PPP5C: variants seen among roughly 807,000 people sequenced by gnomAD.
PPP5C encodes serine/threonine-protein phosphatase 5.
In PPP5C, 21 loss-of-function variants were observed where a neutral mutation model predicts 66.7. That is an observed-to-expected ratio of 0.31 (90% CI 0.22 to 0.45). The LOEUF is 0.45. Ranked by LOEUF, PPP5C falls within the 20% of genes least tolerant of loss-of-function variation. The probability of loss-of-function intolerance (pLI) is 1.00; values close to 1 mark genes in which losing one functional copy is unlikely to be tolerated. For missense variants in PPP5C, 464 were observed against 675.9 expected (o/e 0.69, Z 3.48); for synonymous variants, 246 against 257.4 (o/e 0.96, Z 0.43).
chr19:46,387,621 A>C (rs1442159379), intron 9 of PPP5C, 168 bp downstream of exon 9: 1 of 1,530,384 alleles, frequency 6.5e-7, no homozygotes, highest in Non-Finnish European at 8.8e-7. Flanking sequence ...CACCTCCTTC[A>C]TGGGGCTGTG....
At chr19:46,363,165 G>A (rs1972422850) in intron 2 of PPP5C, among the ~76,000 whole-genome samples, 1 of 143,818 alleles carries the variant, frequency 7.0e-6, no homozygotes. Context: ...ACAATTAGCT[G>A]GGCATGGTGG....
rs1338223483 is a variant in PPP5C at position 46,376,670 on chromosome 19, C to T, written c.633+96C>T. The T allele has an allele frequency of 1.3e-5, 19 of 1,513,252 alleles. No individual in the cohort carries two copies. In the East Asian group the frequency reaches 1.4e-4, roughly 11 times the overall value. The allele number at this position is 1,513,252 out of a possible 1,614,324, so 93.7% of individuals were successfully genotyped here. ...ACTGAGCAAAACGACAGGAGAAGGGCGGCCATGACAGCCAACACCAAACAG... is the reference window on the plus strand; with the variant it reads ...ACTGAGCAAAACGACAGGAGAAGGGTGGCCATGACAGCCAACACCAAACAG... On this transcript the variant is annotated intron_variant, in intron 4 of 12. Coordinates refer to ENST00000012443, the MANE Select transcript of PPP5C (RefSeq NM_006247.4). The surrounding 1 kb of genome is among the most constrained non-coding windows in gnomAD (Gnocchi z 5.1).
At chr19:46,350,765 C>G (rs1449998868) in intron 1 of PPP5C, among the ~76,000 whole-genome samples, 1 of 152,112 alleles carries the variant, frequency 6.6e-6, no homozygotes, top group Non-Finnish European at 1.5e-5. Context: ...AAAAACCACT[C>G]GCCCAAGGTC....
At chr19:46,361,719 C>T (rs1310324034) in intron 2 of PPP5C, among the ~76,000 whole-genome samples, 5 of 149,440 alleles carry the variant, frequency 3.3e-5, no homozygotes, top group African/African-American at 7.4e-5. Context: ...GAGGCAAGAT[C>T]GTGCCATTGC....
In PPP5C at chr19:46,383,729, C is replaced by T. The variant is rs1338620512; in HGVS notation, c.700-51C>T. 2 of 1,456,188 alleles carry T rather than the reference C, an allele frequency of 1.4e-6. No individual in the cohort carries two copies. The highest frequency in any genetic ancestry group is 1.9e-6 in the Non-Finnish European group (2 of 1,037,478). The allele number at this position is 1,456,188 out of a possible 1,614,324, so 90.2% of individuals were successfully genotyped here. ...CCCTTCCCCTCACCTCTGCCCCCTC[C>T]CCACGTCTCTCTCTCGGCCCGTCCC... On this transcript the variant is annotated intron_variant, in intron 5 of 12. Transcript: ENST00000012443. This position sits in a 1 kb window ranked among gnomAD's most constrained non-coding sequence, Gnocchi z 5.0.
At chr19:46,347,559 G>A (rs1972105187) in intron 1 of PPP5C, among the ~76,000 whole-genome samples, 1 of 151,756 alleles carries the variant, frequency 6.6e-6, no homozygotes, top group Admixed American at 6.6e-5. Flanking sequence ...AGTGATTGAT[G>A]GCGCTACCAA....
chr19:46,368,430 C>A (rs1487393476), intron 2 of PPP5C, among the ~76,000 whole-genome samples: 1 of 152,240 alleles, frequency 6.6e-6, no homozygotes, highest in Admixed American at 6.5e-5. Context: ...GTTGGCAAGG[C>A]CAGTGCCACA....
intron 2 of PPP5C, among the ~76,000 whole-genome samples, chr19:46,355,630 C>G (rs1199272557): frequency 6.6e-6 from 1 of 152,084 alleles, no homozygotes. Context: ...CTTGGGCTCC[C>G]AAGCCATTCT....
chr19:46,367,744 G>A (rs1250292432), intron 2 of PPP5C, among the ~76,000 whole-genome samples: 3 of 152,284 alleles, frequency 2.0e-5, no homozygotes, highest in Non-Finnish European at 4.4e-5. Flanking sequence ...ATCCTGGAGA[G>A]GCAGGGACCA....
intron 2 of PPP5C, among the ~76,000 whole-genome samples, chr19:46,360,074 C>G (rs78365836): frequency 0.019 from 2,902 of 152,180 alleles, 89 homozygotes; most frequent in African/African-American, 0.065. Flanking sequence ...CCACTGCACC[C>G]GGCCTGTAAG....
At chr19:46,386,878 G>A (rs1171671396) in intron 7 of PPP5C, 1 of 655,034 alleles carries the variant, frequency 1.5e-6, no homozygotes, top group Non-Finnish European at 2.6e-6. Flanking sequence ...CAAAGTGCTG[G>A]AATTATAGGC....
chr19:46,356,144 G>A lies in PPP5C; in HGVS notation c.363+2155G>A, dbSNP rs145935340. On this transcript the variant is annotated intron_variant, in intron 2 of 12. Transcript: ENST00000012443. ...AGCTGTGTCCCAGGCCTGGCGGATGGCAGGGAGGGTTGAGGGGGTGGGGAA... is the reference window on the plus strand; with the variant it reads ...AGCTGTGTCCCAGGCCTGGCGGATGACAGGGAGGGTTGAGGGGGTGGGGAA... Among the ~76,000 whole-genome samples, 608 of 152,338 alleles carry A rather than the reference G, an allele frequency of 4.0e-3. 7 individuals are homozygous for A. The highest frequency in any genetic ancestry group is 0.014 in the African/African-American group (576 of 41,586).
At position 46,376,659 on chromosome 19, in the gene PPP5C, CAGG is replaced by C; in HGVS notation, c.633+88_633+90del. On this transcript the variant is annotated intron_variant, in intron 4 of 12. Transcript: ENST00000012443. The surrounding 1 kb of genome is among the most constrained non-coding windows in gnomAD (Gnocchi z 5.1). ...CAGCCGCGGGCACTGAGCAAAACGA[CAGG>C]AGAAGGGCGGCCATGACAGCCAACA... The C allele has an allele frequency of 1.9e-6, 3 of 1,549,760 alleles. No individual in the cohort carries two copies. The South Asian group carries it at 3.6e-5, about 19-fold the overall frequency.
chr19:46,358,000 A>G (rs759671127), intron 2 of PPP5C, among the ~76,000 whole-genome samples: 20 of 152,138 alleles, frequency 1.3e-4, no homozygotes, highest in Non-Finnish European at 1.9e-4. Context: ...CCAACCTTAC[A>G]GGCCCACTTT....
At chr19:46,361,854 A>C (rs1288945841) in intron 2 of PPP5C, among the ~76,000 whole-genome samples, 1 of 152,148 alleles carries the variant, frequency 6.6e-6, no homozygotes, top group Non-Finnish European at 1.5e-5. Context: ...TGGTAAAGCT[A>C]ATTTTAATAA....
At chr19:46,390,244 G>A in intron 12 of PPP5C, 40 bp from the exon 13 acceptor site, 3 of 1,598,150 alleles carry the variant, frequency 1.9e-6, no homozygotes, top group Non-Finnish European at 2.6e-6. Context: ...CAGGGGCTCT[G>A]TTCTGACTTC....
At chr19:46,351,853 TGGG>T (rs1464780972) in intron 1 of PPP5C, among the ~76,000 whole-genome samples, 3 of 152,186 alleles carry the variant, frequency 2.0e-5, no homozygotes, top group Non-Finnish European at 4.4e-5. Context: ...TCCCAGGGGC[TGGG>T]GCAGCCCAGT....
At chr19:46,373,676 T>G (rs1335812907) in intron 2 of PPP5C, among the ~76,000 whole-genome samples, 7 of 151,652 alleles carry the variant, frequency 4.6e-5, no homozygotes, top group Non-Finnish European at 5.9e-5. Flanking sequence ...CATTGACTGC[T>G]GCACGCACAG....
rs189763289 is a variant in PPP5C at position 46,373,263 on chromosome 19, A to G, written c.364-2341A>G. Among the ~76,000 whole-genome samples the G allele has an allele frequency of 4.5e-3, 681 of 152,342 alleles. 3 individuals carry two copies. Among genetic ancestry groups the G allele is most frequent in the Non-Finnish European group, 7.6e-3 (515 of 68,024 alleles). ...GGAAGGGGAGCCCATCCCAGCGTGC[A>G]TAGCGGAAATCAGGAGCCTGGGCTT... On this transcript the variant is annotated intron_variant, in intron 2 of 12. Coordinates refer to ENST00000012443, the MANE Select transcript of PPP5C (RefSeq NM_006247.4).
Sources: gnomAD v4.1 joint callset for allele counts (sites outside exome capture counted in the v4.1 genomes callset) on GRCh38, gnomAD v4.1.1 for gene constraint, Gnocchi (gnomAD v3.1) non-coding constraint, MANE v1.5 for transcripts, NCBI Gene and HGNC (gene_info 2026-07-23, HGNC 2026-07-21) for gene names.